Variants in DLGAP2 observed in about 807,000 individuals in gnomAD.
The protein encoded by DLGAP2 is DLG associated protein 2, also known as disks large-associated protein 2.
A neutral mutation model predicts 100.3 loss-of-function variants in DLGAP2; 26 were observed. That is an observed-to-expected ratio of 0.26 (90% confidence interval 0.19 to 0.36). The LOEUF (loss-of-function observed/expected upper bound fraction) is 0.36. Ranked by LOEUF, DLGAP2 falls within the 10% of genes least tolerant of loss-of-function variation. DLGAP2 has a pLI of 1.00. For missense variants in DLGAP2, 1,858 were observed against 1,453.2 expected (o/e 1.28, Z -4.53); for synonymous variants, 886 against 630.1 (o/e 1.41, Z -6.08).
intron 8 of DLGAP2, among the ~76,000 whole-genome samples, chr8:1,636,214 T>A (rs1797762061): frequency 6.6e-6 from 1 of 152,210 alleles, no homozygotes; most frequent in African/African-American, 2.4e-5. Flanking sequence ...TTATTGATAT[T>A]GTGAAGGAAA....
intron 3 of DLGAP2, among the ~76,000 whole-genome samples, chr8:1,483,664 G>GCAGGGAGGCAGGTGCAGGAGGTGGGGAC (rs11270904): frequency 0.85 from 103,503 of 121,818 alleles, 47,470 homozygotes; most frequent in South Asian, 0.93. Flanking sequence ...TCTACACAGA[G>GCAGGGAGGCAGGTGCAGGAGGTGGGGAC]CAGGGAGGCA....
intron 2 of DLGAP2, among the ~76,000 whole-genome samples, chr8:1,179,041 G>A (rs75069108): frequency 0.016 from 2,401 of 152,300 alleles, 59 homozygotes; most frequent in African/African-American, 0.055. Flanking sequence ...TTCTATAAGG[G>A]GTTGAGTTTT....
chr8:884,107 G>C (rs1045895649), intron 1 of DLGAP2, among the ~76,000 whole-genome samples: 1 of 152,126 alleles, frequency 6.6e-6, no homozygotes, highest in Non-Finnish European at 1.5e-5. Flanking sequence ...ACATACATAC[G>C]CATGTGTCTT....
intron 2 of DLGAP2, among the ~76,000 whole-genome samples, chr8:958,581 CCAAAAAAAA>C (rs1799649573): frequency 1.3e-5 from 1 of 78,048 alleles, no homozygotes; most frequent in Admixed American, 1.6e-4. Flanking sequence ...AACTAGACCT[CCAAAAAAAA>C]AAAAAAAAAA....
At chr8:1,435,635 C>A (rs181108861) in intron 3 of DLGAP2, among the ~76,000 whole-genome samples, 2 of 151,878 alleles carry the variant, frequency 1.3e-5, no homozygotes, top group East Asian at 3.9e-4. Flanking sequence ...AGAGTGCGCT[C>A]CTTCTGCTTG....
chr8:1,625,978 A>G (rs112906759), intron 6 of DLGAP2, among the ~76,000 whole-genome samples: 6 of 139,596 alleles, frequency 4.3e-5, no homozygotes, highest in South Asian at 4.9e-4. Flanking sequence ...GCGGGTGCTC[A>G]GCCTCTGGGT....
chr8:1,311,568 G>A (rs73670727), intron 3 of DLGAP2, among the ~76,000 whole-genome samples: 1 of 152,132 alleles, frequency 6.6e-6, no homozygotes, highest in East Asian at 1.9e-4. Flanking sequence ...GTATTAAAAG[G>A]TTTAGACTTG....
chr8:1,245,410 G>A (rs1563035409), intron 2 of DLGAP2, among the ~76,000 whole-genome samples: 2 of 152,188 alleles, frequency 1.3e-5, no homozygotes, highest in Non-Finnish European at 2.9e-5. Context: ...ATCTTCTCTA[G>A]CAATAAAGGA....
At chr8:1,701,147 C>A (rs780202885) in intron 14 of DLGAP2, 41 bp from the exon 15 acceptor site, 2 of 1,536,768 alleles carry the variant, frequency 1.3e-6, no homozygotes, top group African/African-American at 2.8e-5. Flanking sequence ...CTGGGACCCT[C>A]CTCCGAGCAC....
At chr8:1,106,305 G>A (rs1383935582) in intron 2 of DLGAP2, among the ~76,000 whole-genome samples, 1 of 149,118 alleles carries the variant, frequency 6.7e-6, no homozygotes, top group Admixed American at 6.7e-5. Flanking sequence ...CATTCTAGAA[G>A]GGTTTTCTAT....
intron 3 of DLGAP2, among the ~76,000 whole-genome samples, chr8:1,343,047 T>C (rs1386231944): frequency 6.6e-6 from 1 of 152,208 alleles, no homozygotes; most frequent in Non-Finnish European, 1.5e-5. Context: ...TCTGTACTTT[T>C]TGTTCATATT....
chr8:960,109 T>G (rs2129009683), intron 2 of DLGAP2, among the ~76,000 whole-genome samples: 1 of 152,200 alleles, frequency 6.6e-6, no homozygotes, highest in Admixed American at 6.5e-5. Flanking sequence ...AATAATTTGT[T>G]AGTCACGGTT....
chr8:841,902 A>T (rs1796990449), intron 1 of DLGAP2, among the ~76,000 whole-genome samples: 1 of 152,196 alleles, frequency 6.6e-6, no homozygotes, highest in Non-Finnish European at 1.5e-5. Context: ...AGAGCACAGG[A>T]TATAATAGAG....
intron 2 of DLGAP2, among the ~76,000 whole-genome samples, chr8:1,099,282 A>G (rs913663734): frequency 1.3e-5 from 2 of 152,130 alleles, no homozygotes; most frequent in African/African-American, 4.8e-5. Context: ...CAGTTTCTTC[A>G]CATTCACAAC....
chr8:1,336,267 A>C (rs1801270861), intron 3 of DLGAP2, among the ~76,000 whole-genome samples: 2 of 152,234 alleles, frequency 1.3e-5, no homozygotes, highest in Non-Finnish European at 2.9e-5. Context: ...CTAGCATGGA[A>C]ACAGTCAAGC....
chr8:1,362,955 CAG>C (rs920939585), intron 3 of DLGAP2, among the ~76,000 whole-genome samples: 5 of 152,158 alleles, frequency 3.3e-5, no homozygotes, highest in Admixed American at 2.6e-4. Context: ...GCAGCACCCT[CAG>C]GGGATTTGAG....
chr8:1,215,812 G>A lies in DLGAP2; in HGVS notation c.74-43039G>A, dbSNP rs141232620. 5.8e-4 allele frequency among the ~76,000 whole-genome samples: 77 copies of A among 132,510 alleles called. 6 individuals are homozygous for A. The highest frequency in any genetic ancestry group is 1.7e-3 in the African/African-American group (48 of 28,638). 86.9% of individuals were successfully genotyped at this position (132,510 alleles called of 152,430 possible). On this transcript the variant is annotated intron_variant, in intron 2 of 14. Coordinates refer to ENST00000637795, the MANE Select transcript of DLGAP2 (RefSeq NM_001346810.2). ...CCAGGTACCTATATGGGTTCATTTC[G>A]GTGCATCACCTGGAGACGTCCAGGT...
At chr8:1,441,282 G>A (rs543506790) in intron 3 of DLGAP2, among the ~76,000 whole-genome samples, 1 of 152,050 alleles carries the variant, frequency 6.6e-6, no homozygotes, top group African/African-American at 2.4e-5. Context: ...TTTTAAAATT[G>A]CATAAAATTA....
intron 3 of DLGAP2, among the ~76,000 whole-genome samples, chr8:1,481,200 A>G (rs1011403285): frequency 3.9e-5 from 6 of 151,926 alleles, no homozygotes; most frequent in South Asian, 4.2e-4. Context: ...TTTAAAAACC[A>G]TCAAAAATGA....
Sources: gnomAD v4.1 joint callset for allele counts (sites outside exome capture counted in the v4.1 genomes callset) on GRCh38, gnomAD v4.1.1 for gene constraint, MANE v1.5 for transcripts, NCBI Gene and HGNC (gene_info 2026-07-23, HGNC 2026-07-21) for gene names.